Variants in PIGN observed in about 807,000 individuals in gnomAD.
The protein encoded by PIGN is GPI ethanolamine phosphate transferase 1.
In PIGN, 117 loss-of-function variants were observed where a neutral mutation model predicts 125.4. The observed-to-expected ratio is 0.93, with a 90% CI of 0.80 to 1.09. The LOEUF is 1.09. Among genes scored for constraint, PIGN ranks in the 50% least tolerant of loss-of-function variants. The pLI, the probability that PIGN is intolerant of heterozygous loss-of-function variation, is 0.00. For synonymous variants in PIGN, 392 were observed against 377.8 expected (o/e 1.04, Z -0.44); for missense variants, 1,075 against 1,094.9 (o/e 0.98, Z 0.26).
At chr18:62,118,816 A>G (rs1203764080) in intron 14 of PIGN, among the ~76,000 whole-genome samples, 1 of 151,636 alleles carries the variant, frequency 6.6e-6, no homozygotes, top group African/African-American at 2.4e-5. Context: ...AAGAAATATT[A>G]TATTATACTA....
chr18:62,090,652 G>A (rs752599124), intron 23 of PIGN, 74 bp from the exon 24 acceptor site: 54 of 753,922 alleles, frequency 7.2e-5, no homozygotes, highest in Non-Finnish European at 1.0e-4. Flanking sequence ...TTACACTGAG[G>A]TCTTTCTCAA....
chr18:62,107,383 T>C, intron 17 of PIGN: 1 of 279,906 alleles, frequency 3.6e-6, no homozygotes, highest in Non-Finnish European at 6.9e-6. Flanking sequence ...TCACCTGAGG[T>C]CACAAGTTTG....
chr18:62,026,916 G>T (rs1008330718), intron 23 of PIGN, among the ~76,000 whole-genome samples: 2 of 152,130 alleles, frequency 1.3e-5, no homozygotes, highest in Non-Finnish European at 2.9e-5. Context: ...GGAGGCTGAC[G>T]GGGGGCCAAG....
intron 4 of PIGN, among the ~76,000 whole-genome samples, chr18:62,160,539 G>A (rs1356936709): frequency 2.7e-5 from 4 of 147,772 alleles, no homozygotes; most frequent in Non-Finnish European, 6.0e-5. Context: ...TTTTTGAGAC[G>A]GAGTTTTGCT....
chr18:62,030,128 T>C (rs1370338366), intron 23 of PIGN, among the ~76,000 whole-genome samples: 1 of 152,222 alleles, frequency 6.6e-6, no homozygotes, highest in Non-Finnish European at 1.5e-5. Context: ...TAAGATCTTA[T>C]AAGCCAGAAT....
intron 1 of PIGN, among the ~76,000 whole-genome samples, chr18:62,173,537 G>C (rs925213471): frequency 6.6e-6 from 1 of 152,138 alleles, no homozygotes; most frequent in Non-Finnish European, 1.5e-5. Context: ...CCCAGCCTTG[G>C]TGTCTATTTT....
intron 14 of PIGN, 52 bp from the exon 15 acceptor site, chr18:62,114,691 T>C (rs914795774): frequency 1.9e-5 from 15 of 799,342 alleles, no homozygotes; most frequent in African/African-American, 9.0e-5. Context: ...TCCAAGTATA[T>C]GTTTCTTTTT....
intron 23 of PIGN, chr18:62,017,764 A>G (rs1434836432): frequency 6.6e-6 from 1 of 152,112 alleles, no homozygotes; most frequent in Non-Finnish European, 1.5e-5. Context: ...AGAAAAAAAA[A>G]AAAGCATGAC....
chr18:62,050,707 A>T (rs747667879), intron 30 of PIGN, among the ~76,000 whole-genome samples: 1 of 152,060 alleles, frequency 6.6e-6, no homozygotes, highest in African/African-American at 2.4e-5. Context: ...TCTCCTGCCT[A>T]ATTGCCCTGG....
chr18:62,158,593 T>C (rs7505932), intron 4 of PIGN, among the ~76,000 whole-genome samples: 82,161 of 152,090 alleles, frequency 0.54, 24,284 homozygotes, highest in East Asian at 0.78. Flanking sequence ...GGTGCTATTA[T>C]AGGTGAAAGG....
intron 14 of PIGN, among the ~76,000 whole-genome samples, chr18:62,126,694 A>G (rs905881458): frequency 1.3e-5 from 2 of 152,132 alleles, no homozygotes; most frequent in African/African-American, 4.8e-5. Flanking sequence ...CACAGCATCA[A>G]TTAATACTAG....
intron 14 of PIGN, among the ~76,000 whole-genome samples, chr18:62,127,958 G>A (rs2146935675): frequency 6.6e-6 from 1 of 152,162 alleles, no homozygotes; most frequent in East Asian, 1.9e-4. Context: ...TTCCCAACAA[G>A]AAAATGCATG....
chr18:62,089,311 C>T (rs752471570), intron 24 of PIGN, among the ~76,000 whole-genome samples: 4 of 152,048 alleles, frequency 2.6e-5, no homozygotes, highest in Non-Finnish European at 4.4e-5. Flanking sequence ...AAAAAAGCAA[C>T]ATAGTCCTGT....
chr18:62,127,483 T>G (rs2035575942), intron 14 of PIGN, among the ~76,000 whole-genome samples: 1 of 151,756 alleles, frequency 6.6e-6, no homozygotes, highest in Non-Finnish European at 1.5e-5. Context: ...GTCAAACCAC[T>G]GCAGCCGAAG....
At chr18:62,069,598 G>A (rs1018964291) in intron 30 of PIGN, 1 of 152,174 alleles carries the variant, frequency 6.6e-6, no homozygotes, top group Non-Finnish European at 1.5e-5. Context: ...TTGCAAGAAA[G>A]ACAAATACTG....
At chr18:62,051,923 A>G (rs10469249) in intron 30 of PIGN, 137 of 152,224 alleles carry the variant, frequency 9.0e-4, no homozygotes, top group African/African-American at 3.1e-3. Flanking sequence ...ATTGGTTTCA[A>G]AGAACATCTT....
intron 3 of PIGN, 42 bp from the exon 4 acceptor site, chr18:62,161,427 C>A: frequency 1.2e-6 from 1 of 831,408 alleles, no homozygotes; most frequent in Non-Finnish European, 1.9e-6. Flanking sequence ...AATCTTAATG[C>A]ATTCATATGT....
intron 4 of PIGN, among the ~76,000 whole-genome samples, chr18:62,158,523 T>C (rs998959732): frequency 2.0e-5 from 3 of 152,244 alleles, no homozygotes; most frequent in Non-Finnish European, 2.9e-5. Flanking sequence ...GATGTCAACA[T>C]TATTTAAGTT....
intron 28 of PIGN, among the ~76,000 whole-genome samples, chr18:62,080,557 A>G (rs1486653910): frequency 6.6e-6 from 1 of 152,220 alleles, no homozygotes; most frequent in Non-Finnish European, 1.5e-5. Flanking sequence ...ACCCTGACAG[A>G]AAAGGAGAAT....
Sources: gnomAD v4.1 joint callset for allele counts (sites outside exome capture counted in the v4.1 genomes callset) on GRCh38, gnomAD v4.1.1 for gene constraint, MANE v1.5 for transcripts, NCBI Gene and HGNC (gene_info 2026-07-23, HGNC 2026-07-21) for gene names.